Variants in HEPACAM2 observed in about 807,000 individuals in gnomAD.
HEPACAM2 encodes the protein mitotic kinetics regulator.
Under a neutral mutation model 49.6 loss-of-function variants are expected in HEPACAM2, and 49 were observed. That is an observed-to-expected ratio of 0.99 (90% CI 0.78 to 1.25). The LOEUF is 1.25. Ranked by LOEUF, HEPACAM2 falls within the 50% of genes most tolerant of loss-of-function variation. HEPACAM2 has a pLI of 0.00. For missense variants in HEPACAM2, 525 were observed against 557.2 expected (o/e 0.94, Z 0.58); for synonymous variants, 197 against 202.9 (o/e 0.97, Z 0.25).
intron 9 of HEPACAM2, among the ~76,000 whole-genome samples, chr7:93,189,995 C>T (rs1269580555): frequency 6.6e-6 from 1 of 151,928 alleles, no homozygotes; most frequent in South Asian, 2.1e-4. Flanking sequence ...ATTTATTCTA[C>T]TGAGAAATAT....
chr7:93,202,653 TG>T (rs201556461), intron 4 of HEPACAM2, among the ~76,000 whole-genome samples: 1,579 of 152,318 alleles, frequency 0.01, 21 homozygotes, highest in African/African-American at 0.036. Context: ...TTCAAGTTTT[TG>T]CAATGTGCTT....
intron 4 of HEPACAM2, among the ~76,000 whole-genome samples, chr7:93,206,972 A>T (rs539599752): frequency 4.6e-5 from 7 of 152,178 alleles, no homozygotes; most frequent in African/African-American, 1.7e-4. Flanking sequence ...AGTGGTTGTC[A>T]CACTTGTATG....
chr7:93,231,981 T>C, the HEPACAM2 span, among the ~76,000 whole-genome samples: 6 of 152,030 alleles, frequency 3.9e-5, no homozygotes, highest in East Asian at 9.7e-4. Context: ...CGCGTCAGTC[T>C]CTCGTTCTCC....
At chr7:93,222,177 T>A (rs867026567) in intron 1 of HEPACAM2, among the ~76,000 whole-genome samples, 1 of 152,154 alleles carries the variant, frequency 6.6e-6, no homozygotes, top group East Asian at 1.9e-4. Context: ...ACATTGGGCC[T>A]TTGGATGGGA....
intron 4 of HEPACAM2, among the ~76,000 whole-genome samples, chr7:93,201,199 G>A (rs1052207672): frequency 2.0e-5 from 3 of 151,900 alleles, no homozygotes; most frequent in African/African-American, 7.3e-5. Context: ...TTTCTTTTTT[G>A]TATGGTTTAT....
intron 9 of HEPACAM2, among the ~76,000 whole-genome samples, chr7:93,190,479 A>T (rs1793515425): frequency 6.6e-6 from 1 of 152,020 alleles, no homozygotes; most frequent in Non-Finnish European, 1.5e-5. Context: ...AACACAAAAA[A>T]GATTGAGAAG....
rs910276882 is a variant in HEPACAM2 at position 93,215,665 on chromosome 7, C to T, written c.451G>A (p.Val151Met). ...GCCCCAGAGGGAGGATGAATCTGCA[C>T]CACTGGCTTTGTGACAGGATCTGCA... ...TVDDPVTKPV[V>M]QIHPPSGAVE... The change falls in exon 3 of 10, where the codon GTG becomes ATG. Residue 151 changes from valine to methionine, a missense_variant. Physicochemically the swap from Val to Met is conservative, Grantham distance 21. Transcript: ENST00000394468. 6.2e-7 allele frequency: 1 copy of T among 1,613,002 alleles called. No homozygotes were observed. The highest frequency in any genetic ancestry group is 1.3e-5 in the African/African-American group (1 of 74,854).
chr7:93,226,515 G>T, upstream of HEPACAM2: 1 of 1,180,550 alleles, frequency 8.5e-7, no homozygotes, highest in Non-Finnish European at 1.3e-6. Context: ...AGGGAAATTA[G>T]CAGTGAGGTA....
rs1296591103 is a variant in HEPACAM2, at chr7:93,215,388, A to G, written c.715+13T>C. The G allele has an allele frequency of 6.2e-7, 1 of 1,605,524 alleles. No homozygotes were observed. The highest frequency in any genetic ancestry group is 8.5e-7 in the Non-Finnish European group (1 of 1,174,496). ...CAAAAAACAACTCATGAGTTAAAAA[A>G]AAATAAACTTACAATATATGATGGG... On this transcript the variant is annotated intron_variant, in intron 3 of 9. Coordinates refer to ENST00000394468, the MANE Select transcript of HEPACAM2 (RefSeq NM_001039372.4).
upstream of HEPACAM2, chr7:93,226,494 G>A (rs1034767651): frequency 7.0e-7 from 1 of 1,426,666 alleles, no homozygotes; most frequent in East Asian, 2.3e-5. Flanking sequence ...GCAGCTGCTG[G>A]TTTATTTGCT....
chr7:93,196,221 G>C (rs1167653251), intron 7 of HEPACAM2, among the ~76,000 whole-genome samples: 1 of 152,028 alleles, frequency 6.6e-6, no homozygotes, highest in Non-Finnish European at 1.5e-5. Flanking sequence ...TGGTCACCAG[G>C]GTTTAAGCCT....
At chr7:93,221,654 A>G (rs1794453977) in intron 1 of HEPACAM2, among the ~76,000 whole-genome samples, 1 of 152,196 alleles carries the variant, frequency 6.6e-6, no homozygotes, top group South Asian at 2.1e-4. Flanking sequence ...AGAAAACACC[A>G]AAGAGGAAGA....
At chr7:93,222,941 A>G (rs1362281098) in intron 1 of HEPACAM2, among the ~76,000 whole-genome samples, 1 of 152,218 alleles carries the variant, frequency 6.6e-6, no homozygotes, top group Non-Finnish European at 1.5e-5. Flanking sequence ...ATCCTTTAAT[A>G]AAACAGCAAT....
intron 1 of HEPACAM2, among the ~76,000 whole-genome samples, chr7:93,222,694 A>G (rs1794472680): frequency 6.6e-6 from 1 of 152,124 alleles, no homozygotes; most frequent in South Asian, 2.1e-4. Flanking sequence ...TTTCAGACTC[A>G]GTTTTCTCAT....
intron 1 of HEPACAM2, among the ~76,000 whole-genome samples, chr7:93,223,172 A>G (rs546757963): frequency 1.3e-5 from 2 of 152,314 alleles, no homozygotes; most frequent in Non-Finnish European, 2.9e-5. Context: ...TGGGAAAGCC[A>G]TTGCAAAAGT....
chr7:93,196,170 G>A (rs911420239), intron 7 of HEPACAM2, among the ~76,000 whole-genome samples: 4 of 152,040 alleles, frequency 2.6e-5, no homozygotes, highest in African/African-American at 9.7e-5. Flanking sequence ...CACACAGGTG[G>A]GCAACCTTGG....
Position 93,226,416 on chromosome 7 carries a change from C to G in HEPACAM2, c.31G>C (p.Gly11Arg). ...CACTGAAAGACCCCAAGTGTGTCAC[C>G]GAAGGGCTCCATGAAAGCATCCTGT... MGQDAFMEPF[G>R]DTLGVFQCKI... Residue 11 changes from glycine to arginine, a missense_variant, in exon 1 of 10, where the codon GGT becomes CGT. Transcript: ENST00000394468. 4 of 1,613,594 alleles carry G rather than the reference C, an allele frequency of 2.5e-6. No homozygotes were observed. The highest frequency in any genetic ancestry group is 2.5e-6 in the Non-Finnish European group (3 of 1,179,680).
At chr7:93,226,520 G>T, upstream of HEPACAM2, 1 of 1,086,208 alleles carries the variant, frequency 9.2e-7, no homozygotes, top group Non-Finnish European at 1.4e-6. Flanking sequence ...AATTAGCAGT[G>T]AGGTAACAGA....
In HEPACAM2 at chr7:93,219,263, G is replaced by A; in HGVS notation, c.268C>T (p.Pro90Ser). Residue 90 changes from proline (P) to serine (S), a missense_variant, in exon 2 of 10, where the codon CCT becomes TCT. Coordinates refer to ENST00000394468, the MANE Select transcript of HEPACAM2 (RefSeq NM_001039372.4). ...AACTTGTGTTGGTATTCCAAGTCAGGAACCACAGACTTATTCACAGAGCCC... is the reference window on the plus strand; with the variant it reads ...AACTTGTGTTGGTATTCCAAGTCAGAAACCACAGACTTATTCACAGAGCCC... ...LLGSVNKSVV[P>S]DLEYQHKFTM... 2 of 1,614,000 alleles carry A rather than the reference G, an allele frequency of 1.2e-6. No individual in the cohort carries two copies. Among genetic ancestry groups the A allele is most frequent in the South Asian group, 1.1e-5 (1 of 91,078 alleles).
Sources: gnomAD v4.1 joint callset for allele counts (sites outside exome capture counted in the v4.1 genomes callset) on GRCh38, gnomAD v4.1.1 for gene constraint, MANE v1.5 for transcripts, NCBI Gene and HGNC (gene_info 2026-07-23, HGNC 2026-07-21) for gene names.